The following ZNHIT1 variants were observed in gnomAD, a reference collection of about 807,000 sequenced individuals.
ZNHIT1 encodes zinc finger HIT-type containing 1.
ZNHIT1 carries 20 observed loss-of-function variants against 21.4 expected under a neutral mutation model. The observed-to-expected ratio is 0.93, with a 90% CI of 0.66 to 1.36. The LOEUF is 1.36. ZNHIT1 is among the 40% of genes most tolerant of loss of function. The pLI is 0.00. For synonymous variants in ZNHIT1, 79 were observed against 84.0 expected (o/e 0.94, Z 0.32); for missense variants, 170 against 213.5 (o/e 0.80, Z 1.27).
At chr7:101,221,198 G>A (rs1047207114) in intron 1 of ZNHIT1, 9 of 151,576 alleles carry the variant, frequency 5.9e-5, no homozygotes, top group African/African-American at 2.2e-4. Context: ...CAGGGCCAGT[G>A]GGTGATTTCT....
At chr7:101,222,214 C>T (rs1798381094) in intron 1 of ZNHIT1, 1 of 190,482 alleles carries the variant, frequency 5.2e-6, no homozygotes, top group Non-Finnish European at 1.1e-5. Context: ...CATGGGTGGC[C>T]CCTGGTTCCT....
chr7:101,222,237 G>A (rs1028665168), intron 1 of ZNHIT1: 1 of 218,288 alleles, frequency 4.6e-6, no homozygotes, highest in Non-Finnish European at 9.0e-6. Context: ...GAGGTAGGAG[G>A]TGAGATGCTG....
chr7:101,218,334 C>A, intron 1 of ZNHIT1, 117 bp downstream of exon 1: 1 of 1,146,830 alleles, frequency 8.7e-7, no homozygotes, highest in Non-Finnish European at 1.3e-6. Flanking sequence ...AGTGCAGTGG[C>A]ATAGTCATAG....
At chr7:101,218,491 T>C (rs1406794477) in intron 1 of ZNHIT1, 6 of 475,778 alleles carry the variant, frequency 1.3e-5, no homozygotes, top group Non-Finnish European at 2.2e-5. Context: ...CCCAGGTTGG[T>C]CTCCAACTCT....
At position 101,218,711 on chromosome 7, in the gene ZNHIT1, C is replaced by T. The variant is rs530655876; in HGVS notation, c.22+494C>T. Reference sequence around the variant, plus strand: ...AAGACCCCTCTTATCCAAGCATTGGCTTTTTCTGGAAGGGGGGCAGAAACG... The same window carrying T: ...AAGACCCCTCTTATCCAAGCATTGGTTTTTTCTGGAAGGGGGGCAGAAACG... On this transcript the variant is annotated intron_variant, in intron 1 of 4. Coordinates refer to ENST00000305105, the MANE Select transcript of ZNHIT1 (RefSeq NM_006349.3). 2.5e-5 allele frequency: 4 copies of T among 159,976 alleles called. No individual in the cohort carries two copies. The South Asian group carries it at 6.8e-4, about 27-fold the overall frequency. 9.9% of individuals were successfully genotyped at this position (159,976 alleles called of 1,614,324 possible). A position where few individuals can be genotyped will look rare whatever the true frequency, so the allele number is the denominator to read the frequency against.
chr7:101,219,067 C>T (rs2116817634), intron 1 of ZNHIT1: 1 of 152,026 alleles, frequency 6.6e-6, no homozygotes, highest in Non-Finnish European at 1.5e-5. Context: ...ACACACTGCC[C>T]AGGAGTTTGA....
chr7:101,223,924 C>T lies in ZNHIT1; in HGVS notation c.444-13C>T. The stretch of plus-strand genomic sequence containing the variant: ...CCTCTCTCCCCTCATCCTGGCTTCC[C>T]CTCTGTCTGCAGGTGTCTGAAGTGG... On this transcript the variant is annotated splice_polypyrimidine_tract_variant and intron_variant, in intron 4 of 4. Transcript: ENST00000305105. 6.2e-7 allele frequency: 1 copy of T among 1,614,138 alleles called. No homozygotes were observed.
At chr7:101,218,900 G>A (rs963665959) in intron 1 of ZNHIT1, 7 of 152,668 alleles carry the variant, frequency 4.6e-5, no homozygotes, top group Admixed American at 3.9e-4. Flanking sequence ...AGTCTTGAAA[G>A]TCTAGTTAGG....
In ZNHIT1 at chr7:101,222,594, C is replaced by A. The variant is rs755421672; in HGVS notation, c.23-10C>A. ...AAGCCCTGTAACTTTGCGTGCCCTG[C>A]TCCATCCAGTTCGCTCCCAGGACCC... On this transcript the variant is annotated splice_polypyrimidine_tract_variant and intron_variant, in intron 1 of 4. Transcript: ENST00000305105. 1.2e-6 allele frequency: 2 copies of A among 1,610,574 alleles called. No homozygotes were observed. The highest frequency in any genetic ancestry group is 1.7e-5 in the Admixed American group (1 of 59,658).
At chr7:101,222,561 T>C in intron 1 of ZNHIT1, 43 bp from the exon 2 acceptor site, 3 of 1,580,556 alleles carry the variant, frequency 1.9e-6, no homozygotes, top group Non-Finnish European at 8.6e-7. Flanking sequence ...CACACTGCTC[T>C]TTCTTGGAAG....
chr7:101,221,705 A>G (rs949698153), intron 1 of ZNHIT1: 1 of 152,566 alleles, frequency 6.6e-6, no homozygotes, highest in Admixed American at 6.5e-5. Flanking sequence ...CAGGGAGAGC[A>G]GCCGAGCTGG....
chr7:101,218,724 G>C lies in ZNHIT1; in HGVS notation c.22+507G>C, dbSNP rs772293089. On this transcript the variant is annotated intron_variant, in intron 1 of 4. Transcript: ENST00000305105. ...TCCAAGCATTGGCTTTTTCTGGAAG[G>C]GGGGCAGAAACGCAGACCTAACACT... 15 of 159,120 alleles carry C rather than the reference G, an allele frequency of 9.4e-5. No homozygotes were observed. The South Asian group carries it at 1.4e-3, about 14-fold the overall frequency. 9.9% of individuals were successfully genotyped at this position (159,120 alleles called of 1,614,324 possible).
chr7:101,223,544 G>A lies in ZNHIT1; in HGVS notation c.261G>A (p.Leu87=). 6.2e-7 allele frequency: 1 copy of A among 1,614,224 alleles called. No individual in the cohort carries two copies. The highest frequency in any genetic ancestry group is 8.5e-7 in the Non-Finnish European group (1 of 1,180,026). ...KLRFRKNFQA[L]LEEQNLSVAE... The stretch of plus-strand genomic sequence containing the variant: ...GCTTCCGAAAAAACTTTCAGGCCCT[G>A]TTGGAGGAGCAGGTGAGAGGAGGGT... Residue 87 remains leucine, a synonymous_variant, in exon 3 of 5, where the codon CTG becomes CTA. Transcript: ENST00000305105.
intron 1 of ZNHIT1, 41 bp from the exon 2 acceptor site, chr7:101,222,563 T>C: frequency 1.3e-6 from 2 of 1,581,498 alleles, no homozygotes; most frequent in Non-Finnish European, 1.7e-6. Flanking sequence ...CACTGCTCTT[T>C]CTTGGAAGCC....
chr7:101,223,603 C>G (rs781322534), intron 3 of ZNHIT1, 47 bp downstream of exon 3: 19 of 1,613,826 alleles, frequency 1.2e-5, no homozygotes, highest in East Asian at 1.1e-4. Context: ...AAGGGGTGAG[C>G]CTGGCCCGGG....
Position 101,224,082 on chromosome 7 carries a change from A to G in ZNHIT1, c.*124A>G. 1 of 1,447,466 alleles carries G rather than the reference A, an allele frequency of 6.9e-7. No individual in the cohort carries two copies. Among genetic ancestry groups the G allele is most frequent in the Admixed American group, 1.7e-5 (1 of 57,188 alleles). 89.7% of individuals were successfully genotyped at this position (1,447,466 alleles called of 1,614,324 possible). On this transcript the variant is annotated 3_prime_UTR_variant, in exon 5 of 5. Coordinates refer to ENST00000305105, the MANE Select transcript of ZNHIT1 (RefSeq NM_006349.3). ...AAGGGAGGAGCCGCTCATTCACCCAACAAAACTGTGTCTTATCTGCCAGGA... is the reference window on the plus strand; with the variant it reads ...AAGGGAGGAGCCGCTCATTCACCCAGCAAAACTGTGTCTTATCTGCCAGGA...
At chr7:101,223,367 A>C in intron 2 of ZNHIT1, 110 bp from the exon 3 acceptor site, 1 of 1,178,960 alleles carries the variant, frequency 8.5e-7, no homozygotes, top group Non-Finnish European at 1.2e-6. Flanking sequence ...ACAGAGTGAG[A>C]CTGTCTCAAA....
At chr7:101,223,178 C>G (rs1382880307) in intron 2 of ZNHIT1, among the ~76,000 whole-genome samples, 2 of 152,136 alleles carry the variant, frequency 1.3e-5, no homozygotes, top group African/African-American at 4.8e-5. Flanking sequence ...TCAAGACCAG[C>G]CTGGCCAACA....
intron 1 of ZNHIT1, chr7:101,218,643 A>G: frequency 5.3e-6 from 1 of 187,972 alleles, no homozygotes; most frequent in Non-Finnish European, 1.1e-5. Flanking sequence ...TTCACGTTTT[A>G]TTGGTGCCTG....
Sources: allele counts gnomAD v4.1 joint callset (sites outside exome capture counted in the v4.1 genomes callset), GRCh38; gene constraint gnomAD v4.1.1; transcripts MANE v1.5; gene names NCBI Gene and HGNC (gene_info 2026-07-23, HGNC 2026-07-21).